CLIC5: variants seen among roughly 807,000 people sequenced by gnomAD.
The protein encoded by CLIC5 is chloride intracellular channel protein 5.
In CLIC5, 20 loss-of-function variants were observed where a neutral mutation model predicts 24.7. The ratio of observed to expected loss-of-function variants is 0.81; its 90% CI spans 0.57 to 1.18. CLIC5 has a LOEUF of 1.18. CLIC5 is among the 50% of genes most tolerant of loss of function. The pLI is 0.00. For missense variants in CLIC5, 341 were observed against 326.1 expected (o/e 1.05, Z -0.35); for synonymous variants, 159 against 135.6 (o/e 1.17, Z -1.20).
At chr6:45,998,460 TG>T (rs1766232072) in intron 1 of CLIC5, among the ~76,000 whole-genome samples, 1 of 152,220 alleles carries the variant, frequency 6.6e-6, no homozygotes, top group Admixed American at 6.5e-5. Context: ...GAATGAGTTC[TG>T]TCTACATCCA....
chr6:45,892,056 C>A (rs564731910), intron 6 of CLIC5: 1 of 152,168 alleles, frequency 6.6e-6, no homozygotes, highest in Non-Finnish European at 1.5e-5. Context: ...CAACTCACAA[C>A]ATTTTTCATG....
the CLIC5 span, among the ~76,000 whole-genome samples, chr6:46,123,314 A>C: frequency 2.6e-5 from 4 of 152,258 alleles, no homozygotes; most frequent in African/African-American, 9.6e-5. Flanking sequence ...GCATATTAAC[A>C]GAACCAAAGA....
chr6:46,069,015 G>A (rs936930184), intron 1 of CLIC5, among the ~76,000 whole-genome samples: 5 of 152,104 alleles, frequency 3.3e-5, no homozygotes, highest in Admixed American at 6.6e-5. Context: ...AGGGAGGGAC[G>A]AGGAAAGCCC....
At chr6:46,082,386 G>A (rs370623803), upstream of CLIC5, among the ~76,000 whole-genome samples, 50 of 152,254 alleles carry the variant, frequency 3.3e-4, no homozygotes, top group South Asian at 5.8e-3. Flanking sequence ...AAGTCCTTCC[G>A]TTAAAATGTA....
At chr6:45,938,597 A>G (rs531484476) in intron 4 of CLIC5, among the ~76,000 whole-genome samples, 1 of 152,344 alleles carries the variant, frequency 6.6e-6, no homozygotes, top group East Asian at 1.9e-4. Context: ...TCATTACAGA[A>G]GAAAACAGGG....
At chr6:45,896,421 C>G (rs796109549), downstream of CLIC5, among the ~76,000 whole-genome samples, 15 of 151,350 alleles carry the variant, frequency 9.9e-5, no homozygotes, top group African/African-American at 3.7e-4. Flanking sequence ...GAAACTGAGG[C>G]CCAGAAAGGA....
chr6:45,914,181 A>G (rs374900450), intron 5 of CLIC5, 47 bp downstream of exon 5: 207 of 1,438,386 alleles, frequency 1.4e-4, no homozygotes, highest in Middle Eastern at 4.5e-4. Flanking sequence ...ACCTGGGCCT[A>G]AGATGGAGCT....
At chr6:46,074,203 G>A (rs757727425) in intron 1 of CLIC5, among the ~76,000 whole-genome samples, 3 of 152,058 alleles carry the variant, frequency 2.0e-5, no homozygotes, top group African/African-American at 7.2e-5. Flanking sequence ...TGTGCTCATT[G>A]TAAAATATAT....
chr6:46,065,544 A>C (rs1762418745), intron 1 of CLIC5, among the ~76,000 whole-genome samples: 1 of 152,170 alleles, frequency 6.6e-6, no homozygotes, highest in East Asian at 1.9e-4. Context: ...GAATGCATAA[A>C]AAGTTGTAGC....
chr6:46,002,192 G>A (rs1766387793), intron 1 of CLIC5, among the ~76,000 whole-genome samples: 1 of 152,186 alleles, frequency 6.6e-6, no homozygotes, highest in African/African-American at 2.4e-5. Flanking sequence ...AATTTCTTTA[G>A]ATTTATTGTT....
chr6:46,076,270 C>A (rs2144161), intron 1 of CLIC5, among the ~76,000 whole-genome samples: 1 of 152,188 alleles, frequency 6.6e-6, no homozygotes, highest in Non-Finnish European at 1.5e-5. Flanking sequence ...ACTACTGCCT[C>A]GCGCCTACTT....
At chr6:46,072,538 T>G (rs1249064914) in intron 1 of CLIC5, among the ~76,000 whole-genome samples, 1 of 152,204 alleles carries the variant, frequency 6.6e-6, no homozygotes, top group Non-Finnish European at 1.5e-5. Flanking sequence ...ATTGAGTTTG[T>G]AGTCTCTTGG....
the CLIC5 span, among the ~76,000 whole-genome samples, chr6:46,117,699 C>G: frequency 6.6e-6 from 1 of 152,112 alleles, no homozygotes; most frequent in Non-Finnish European, 1.5e-5. Flanking sequence ...TTAGAAACAA[C>G]AAATAACAAT....
rs1561918805 is a variant in CLIC5, at chr6:45,902,917, GTGCTGA to G, written c.*165_*170del. 1.5e-6 allele frequency: 1 copy of G among 683,748 alleles called. No homozygotes were observed. Among genetic ancestry groups the G allele is most frequent in the African/African-American group, 1.8e-5 (1 of 55,774 alleles). The allele number at this position is 683,748 out of a possible 1,614,324, so 42.4% of individuals were successfully genotyped here. On this transcript the variant is annotated 3_prime_UTR_variant, in exon 6 of 6. Transcript: ENST00000339561. ...TTCCTATGTGAGGAGGCCAGGGATG[GTGCTGA>G]CCTTCATGAAAGATAGCAGGCTGGA...
chr6:46,129,409 C>T, the CLIC5 span: 3 of 152,244 alleles, frequency 2.0e-5, no homozygotes, highest in South Asian at 6.2e-4. Context: ...ACATACGCGT[C>T]TGTCAAAGTA....
intron 1 of CLIC5, among the ~76,000 whole-genome samples, chr6:46,011,096 T>C (rs1209496258): frequency 6.6e-6 from 1 of 152,204 alleles, no homozygotes; most frequent in Non-Finnish European, 1.5e-5. Flanking sequence ...AGACTAGTCG[T>C]TTCCATCAGA....
chr6:46,118,787 T>C, the CLIC5 span, among the ~76,000 whole-genome samples: 126 of 152,320 alleles, frequency 8.3e-4, no homozygotes, highest in African/African-American at 2.8e-3. Flanking sequence ...CAGACATTAA[T>C]AGTCACCCAA....
At position 45,899,457 on chromosome 6, in the gene CLIC5, A is replaced by G. The variant is rs1203587297; in HGVS notation, c.*3631T>C. On this transcript the variant is annotated 3_prime_UTR_variant, in exon 6 of 6. Coordinates refer to ENST00000339561, the MANE Select transcript of CLIC5 (RefSeq NM_016929.5). ...TCACAGAAGTACTTACCAAATACTCACCTGCTGCTTCTAGTTTAATTTAAT... is the reference window on the plus strand; with the variant it reads ...TCACAGAAGTACTTACCAAATACTCGCCTGCTGCTTCTAGTTTAATTTAAT... 6.6e-6 allele frequency: 1 copy of G among 152,184 alleles called. No homozygotes were observed. Among genetic ancestry groups the G allele is most frequent in the African/African-American group, 2.4e-5 (1 of 41,442 alleles). The allele number at this position is 152,184 out of a possible 1,614,324, so 9.4% of individuals were successfully genotyped here.
chr6:46,025,471 A>T (rs897872800), intron 1 of CLIC5, among the ~76,000 whole-genome samples: 1 of 152,166 alleles, frequency 6.6e-6, no homozygotes, highest in Non-Finnish European at 1.5e-5. Context: ...AGAGCTGGGG[A>T]TTTGAATCCC....
Sources: gnomAD v4.1 joint callset for allele counts (sites outside exome capture counted in the v4.1 genomes callset) on GRCh38, gnomAD v4.1.1 for gene constraint, MANE v1.5 for transcripts, NCBI Gene and HGNC (gene_info 2026-07-23, HGNC 2026-07-21) for gene names.